The following LSAMP variants were observed in gnomAD, a reference collection of about 807,000 sequenced individuals.
LSAMP encodes the protein limbic system-associated membrane protein.
A neutral mutation model predicts 38.6 loss-of-function variants in LSAMP; 7 were observed. That is an observed-to-expected ratio of 0.18 (90% CI 0.10 to 0.34). LSAMP has a LOEUF of 0.34. LSAMP is among the 10% of genes least tolerant of loss of function. The pLI is 1.00. For synonymous variants in LSAMP, 154 were observed against 166.8 expected, an observed-to-expected ratio of 0.92 and a Z score of 0.59; for missense variants, 313 against 420.0, an observed-to-expected ratio of 0.75 and a Z score of 2.23.
chr3:116,323,230 C>G (rs1013590264), intron 1 of LSAMP, among the ~76,000 whole-genome samples: 1 of 152,096 alleles, frequency 6.6e-6, no homozygotes, highest in African/African-American at 2.4e-5. Context: ...AAATATCCAT[C>G]CCTGAATATC....
intron 6 of LSAMP, among the ~76,000 whole-genome samples, chr3:115,827,715 G>A (rs1934469636): frequency 6.6e-6 from 1 of 152,144 alleles, no homozygotes; most frequent in South Asian, 2.1e-4. Flanking sequence ...ACTGATCTGT[G>A]GTGGATATAA....
At chr3:116,139,160 A>C (rs997960751) in intron 1 of LSAMP, among the ~76,000 whole-genome samples, 1 of 151,918 alleles carries the variant, frequency 6.6e-6, no homozygotes, top group Non-Finnish European at 1.5e-5. Flanking sequence ...AGTACTTTTA[A>C]ATTTTTAGGC....
rs1204657665 is a variant in LSAMP at position 116,445,443 on chromosome 3, C to A, written c.-412G>T. On this transcript the variant is annotated 5_prime_UTR_variant, in exon 1 of 7. Coordinates refer to ENST00000490035, the MANE Select transcript of LSAMP (RefSeq NM_002338.5). ...GCTGGCGGGCGGGCGGGCGAGGGAG[C>A]CGGCACCAAGCCTGCCAGTGAGTGT... 2.2e-6 allele frequency: 1 copy of A among 450,220 alleles called. No homozygotes were observed. The highest frequency in any genetic ancestry group is 3.9e-6 in the Non-Finnish European group (1 of 257,834). The allele number at this position is 450,220 out of a possible 1,614,324, so 27.9% of individuals were successfully genotyped here.
At chr3:115,861,866 A>G (rs1222621934) in intron 3 of LSAMP, among the ~76,000 whole-genome samples, 1 of 152,058 alleles carries the variant, frequency 6.6e-6, no homozygotes, top group African/African-American at 2.4e-5. Context: ...GTTGTAATTC[A>G]AATCACTGGA....
intron 1 of LSAMP, among the ~76,000 whole-genome samples, chr3:116,356,462 TG>T (rs35995359): frequency 1.3e-5 from 2 of 152,166 alleles, no homozygotes; most frequent in East Asian, 1.9e-4. Flanking sequence ...TGGTGGGAAA[TG>T]GGGAAGGCTA....
chr3:116,431,623 C>CAT (rs2049282281), intron 1 of LSAMP, among the ~76,000 whole-genome samples: 1 of 152,008 alleles, frequency 6.6e-6, no homozygotes, highest in African/African-American at 2.4e-5. Context: ...GGATATAATG[C>CAT]ATATCAGTCT....
At chr3:116,040,001 G>GA (rs199771984) in intron 2 of LSAMP, among the ~76,000 whole-genome samples, 9,368 of 151,736 alleles carry the variant, frequency 0.062, 931 homozygotes, top group African/African-American at 0.21. Context: ...CTTTGGGGGG[G>GA]GAAAAAAACT....
intron 3 of LSAMP, among the ~76,000 whole-genome samples, chr3:116,014,135 C>T (rs1940410105): frequency 6.6e-6 from 1 of 152,146 alleles, no homozygotes; most frequent in Non-Finnish European, 1.5e-5. Flanking sequence ...GTGTGAAAGT[C>T]ATATGCATTT....
At chr3:115,914,640 C>T (rs1937207730) in intron 3 of LSAMP, among the ~76,000 whole-genome samples, 1 of 152,186 alleles carries the variant, frequency 6.6e-6, no homozygotes, top group Non-Finnish European at 1.5e-5. Context: ...TTTCCTCCAT[C>T]CCTCTCTTAT....
intron 1 of LSAMP, among the ~76,000 whole-genome samples, chr3:116,254,343 A>G (rs1460671054): frequency 6.6e-6 from 1 of 152,194 alleles, no homozygotes; most frequent in Non-Finnish European, 1.5e-5. Context: ...CAGAAAAGAA[A>G]TATGATGTAA....
chr3:116,282,044 A>T (rs2047133658), intron 1 of LSAMP, among the ~76,000 whole-genome samples: 1 of 152,184 alleles, frequency 6.6e-6, no homozygotes, highest in South Asian at 2.1e-4. Context: ...TCTATAAGAA[A>T]ATCAAGATGC....
At chr3:116,331,811 T>G (rs2047856985) in intron 1 of LSAMP, among the ~76,000 whole-genome samples, 1 of 152,168 alleles carries the variant, frequency 6.6e-6, no homozygotes, top group Non-Finnish European at 1.5e-5. Context: ...CTCTTTGTTT[T>G]GTTTCTTTTT....
intron 2 of LSAMP, among the ~76,000 whole-genome samples, chr3:116,028,123 A>G (rs900499419): frequency 2.6e-5 from 4 of 151,506 alleles, no homozygotes; most frequent in African/African-American, 7.3e-5. Flanking sequence ...ACTGGGTTCA[A>G]AAATCTACAC....
intron 3 of LSAMP, among the ~76,000 whole-genome samples, chr3:115,961,277 G>A (rs1001059709): frequency 5.9e-5 from 9 of 152,218 alleles, no homozygotes; most frequent in Non-Finnish European, 1.2e-4. Context: ...GACAGTGGGA[G>A]ATGAGTTAGG....
chr3:116,220,265 G>T (rs2046266721), intron 1 of LSAMP, among the ~76,000 whole-genome samples: 1 of 143,288 alleles, frequency 7.0e-6, no homozygotes, highest in Non-Finnish European at 1.5e-5. Flanking sequence ...AAAAACAGAA[G>T]ATAAGGGTTG....
Position 115,803,675 on chromosome 3 carries a change from T to C in LSAMP, c.*6642A>G, listed in dbSNP as rs1933568057. 6.6e-6 allele frequency: 1 copy of C among 152,220 alleles called. No homozygotes were observed. Among genetic ancestry groups the C allele is most frequent in the South Asian group, 2.1e-4 (1 of 4,834 alleles). The allele number at this position is 152,220 out of a possible 1,614,324, so 9.4% of individuals were successfully genotyped here. On this transcript the variant is annotated 3_prime_UTR_variant, in exon 7 of 7. Transcript: ENST00000490035. ...GACTTGTACTTTTTGAAAACAATAC[T>C]TGTTTTCTCTCCATCTATTTGCTTT...
chr3:116,409,368 A>G (rs1462255728), intron 1 of LSAMP, among the ~76,000 whole-genome samples: 1 of 152,062 alleles, frequency 6.6e-6, no homozygotes. Context: ...TTTTCTGATC[A>G]GTACTGCCAA....
intron 1 of LSAMP, among the ~76,000 whole-genome samples, chr3:116,174,120 T>C (rs1274910473): frequency 6.6e-6 from 1 of 152,174 alleles, no homozygotes; most frequent in East Asian, 1.9e-4. Flanking sequence ...TTTTTAATAT[T>C]ATGACCCAAA....
chr3:115,922,727 G>C (rs767130066), intron 3 of LSAMP, among the ~76,000 whole-genome samples: 1 of 152,098 alleles, frequency 6.6e-6, no homozygotes, highest in Non-Finnish European at 1.5e-5. Context: ...AGTCAGGCTG[G>C]GGGTTAAGGG....
Sources: gnomAD v4.1 joint callset for allele counts (sites outside exome capture counted in the v4.1 genomes callset) on GRCh38, gnomAD v4.1.1 for gene constraint, MANE v1.5 for transcripts, NCBI Gene and HGNC (gene_info 2026-07-23, HGNC 2026-07-21) for gene names.